Variants in ELP4 observed in about 807,000 individuals in gnomAD.
The protein encoded by ELP4 is elongator complex protein 4.
A neutral mutation model predicts 48.9 loss-of-function variants in ELP4; 51 were observed. That is an observed-to-expected ratio of 1.04 (90% CI 0.83 to 1.32). The LOEUF (loss-of-function observed/expected upper bound fraction) is 1.32. Among genes scored for constraint, ELP4 ranks in the 40% most tolerant of loss-of-function variants. The pLI, the probability that ELP4 is intolerant of heterozygous loss-of-function variation, is 0.00. For synonymous variants in ELP4, 210 were observed against 189.2 expected, an observed-to-expected ratio of 1.11 and a Z score of -0.90; for missense variants, 519 against 514.6, an observed-to-expected ratio of 1.01 and a Z score of -0.08.
intron 9 of ELP4, among the ~76,000 whole-genome samples, chr11:31,746,479 G>A (rs1423832892): frequency 9.2e-5 from 14 of 152,122 alleles, no homozygotes; most frequent in African/African-American, 3.4e-4. Flanking sequence ...CAAATACTTG[G>A]AACCAACGTA....
At chr11:31,661,485 T>G (rs985771593) in intron 9 of ELP4, among the ~76,000 whole-genome samples, 1 of 152,086 alleles carries the variant, frequency 6.6e-6, no homozygotes, top group African/African-American at 2.4e-5. Flanking sequence ...TTATAAAGTA[T>G]CAAACTTTGG....
At chr11:31,588,329 C>T (rs796689884) in intron 3 of ELP4, among the ~76,000 whole-genome samples, 4 of 152,210 alleles carry the variant, frequency 2.6e-5, no homozygotes, top group African/African-American at 9.6e-5. Context: ...GTAGGATATG[C>T]ACATTTTCAG....
chr11:31,706,457 C>A (rs1390357823), intron 9 of ELP4, among the ~76,000 whole-genome samples: 1 of 147,264 alleles, frequency 6.8e-6, no homozygotes, highest in Non-Finnish European at 1.5e-5. Context: ...ATAGTGAGAC[C>A]CCATCTCTAC....
chr11:31,682,071 T>C, intron 9 of ELP4: 1 of 1,291,324 alleles, frequency 7.7e-7, no homozygotes, highest in Non-Finnish European at 1.0e-6. Context: ...AGAACAAGTC[T>C]AAAGGTAAGT....
At chr11:31,546,289 G>C (rs924238635) in intron 3 of ELP4, among the ~76,000 whole-genome samples, 31 of 152,048 alleles carry the variant, frequency 2.0e-4, no homozygotes, top group Non-Finnish European at 2.5e-4. Flanking sequence ...GATGGAGGAA[G>C]ATCTACCAAG....
intron 3 of ELP4, among the ~76,000 whole-genome samples, chr11:31,591,760 A>T (rs1454329286): frequency 2.6e-5 from 4 of 152,330 alleles, no homozygotes; most frequent in African/African-American, 9.6e-5. Flanking sequence ...ATCTAGGTAT[A>T]TACCAAAGAC....
rs189020977 is a variant in ELP4 at position 31,737,265 on chromosome 11, C to G, written c.1144-46128C>G. Reference sequence around the variant, plus strand: ...TTCTCACTCATAGGTGGGAATTGAACTATGAGAACACATGGACACAGGAAG... The same window carrying G: ...TTCTCACTCATAGGTGGGAATTGAAGTATGAGAACACATGGACACAGGAAG... On this transcript the variant is annotated intron_variant, in intron 9 of 9. Transcript: ENST00000640961. Among the ~76,000 whole-genome samples, 389 of 152,038 alleles carry G rather than the reference C, an allele frequency of 2.6e-3. 1 individual carries two copies. The highest frequency in any genetic ancestry group is 8.8e-3 in the African/African-American group (363 of 41,452).
chr11:31,589,505 T>A (rs886404173), intron 3 of ELP4, among the ~76,000 whole-genome samples: 1 of 152,228 alleles, frequency 6.6e-6, no homozygotes, highest in Admixed American at 6.5e-5. Flanking sequence ...ATAAGTCTCA[T>A]ATATGCATTT....
intron 9 of ELP4, among the ~76,000 whole-genome samples, chr11:31,656,758 A>T (rs1945444157): frequency 6.6e-6 from 1 of 152,064 alleles, no homozygotes; most frequent in Admixed American, 6.6e-5. Flanking sequence ...TTGTCTAAAT[A>T]TGCAAAGGGG....
intron 9 of ELP4, among the ~76,000 whole-genome samples, chr11:31,665,654 CCT>C (rs1945656354): frequency 1.5e-5 from 2 of 129,818 alleles, no homozygotes; most frequent in South Asian, 2.5e-4. Flanking sequence ...CGTCTCTCTT[CCT>C]TTTTTTTTTT....
chr11:31,559,818 G>A (rs576038227), intron 3 of ELP4, among the ~76,000 whole-genome samples: 2 of 151,452 alleles, frequency 1.3e-5, no homozygotes, highest in African/African-American at 4.9e-5. Context: ...CAAGAGAGTT[G>A]CTTGAATCCA....
intron 9 of ELP4, chr11:31,707,507 A>G (rs1329280343): frequency 6.6e-6 from 1 of 152,196 alleles, no homozygotes; most frequent in Non-Finnish European, 1.5e-5. Context: ...TACTATGTTA[A>G]TATAATTCCA....
intron 9 of ELP4, among the ~76,000 whole-genome samples, chr11:31,727,297 TATTA>T (rs1438634442): frequency 1.3e-5 from 2 of 152,110 alleles, no homozygotes; most frequent in Non-Finnish European, 2.9e-5. Context: ...GGAGAGTAGA[TATTA>T]ATTATTTTTT....
At chr11:31,620,784 T>C (rs957132898) in intron 5 of ELP4, among the ~76,000 whole-genome samples, 3 of 151,974 alleles carry the variant, frequency 2.0e-5, no homozygotes, top group African/African-American at 7.2e-5. Flanking sequence ...CCTGCATTGC[T>C]TAGACCATAC....
intron 9 of ELP4, among the ~76,000 whole-genome samples, chr11:31,761,267 G>A (rs1947939906): frequency 6.6e-6 from 1 of 151,850 alleles, no homozygotes; most frequent in African/African-American, 2.4e-5. Flanking sequence ...GAACCCAGGA[G>A]GTGGAGGCTG....
intron 9 of ELP4, among the ~76,000 whole-genome samples, chr11:31,746,114 GCA>G (rs201487541): frequency 0.074 from 11,228 of 152,186 alleles, 1,084 homozygotes; most frequent in African/African-American, 0.22. Flanking sequence ...AGACATTTAT[GCA>G]GCCAAAAAAC....
chr11:31,694,861 G>C (rs945481165), intron 9 of ELP4, among the ~76,000 whole-genome samples: 13 of 152,072 alleles, frequency 8.5e-5, no homozygotes, highest in African/African-American at 1.2e-4. Flanking sequence ...AGTTCTCCTT[G>C]AAGAGGTCCT....
intron 9 of ELP4, among the ~76,000 whole-genome samples, chr11:31,722,664 CTTCT>C (rs749178955): frequency 2.9e-5 from 4 of 139,230 alleles, no homozygotes; most frequent in Middle Eastern, 3.6e-3. Context: ...CAAGGTGTCT[CTTCT>C]CTCTCTCTCT....
chr11:31,510,453 T>C, intron 1 of ELP4: 1 of 410,510 alleles, frequency 2.4e-6, no homozygotes, highest in East Asian at 3.4e-5. Flanking sequence ...AAAAAAATGA[T>C]TTCCCCTCTT....
Sources: allele counts gnomAD v4.1 joint callset (sites outside exome capture counted in the v4.1 genomes callset), GRCh38; gene constraint gnomAD v4.1.1; transcripts MANE v1.5; gene names NCBI Gene and HGNC (gene_info 2026-07-23, HGNC 2026-07-21).